The following KCNH5 variants were observed in gnomAD, a reference collection of about 807,000 sequenced individuals.
KCNH5 encodes the protein potassium voltage-gated channel subfamily H member 5.
In KCNH5, 46 loss-of-function variants were observed where a neutral mutation model predicts 96.1. The observed-to-expected ratio is 0.48, with a 90% CI of 0.38 to 0.61. KCNH5 has a LOEUF of 0.61. Among genes scored for constraint, KCNH5 ranks in the 20% least tolerant of loss-of-function variants. The probability of loss-of-function intolerance (pLI) is 0.00; values close to 1 mark genes in which losing one functional copy is unlikely to be tolerated. For missense variants in KCNH5, 907 were observed against 1,225.8 expected, an observed-to-expected ratio of 0.74 and a Z score of 3.88; for synonymous variants, 439 against 449.8, an observed-to-expected ratio of 0.98 and a Z score of 0.30.
chr14:62,994,513 T>G (rs1038832713), intron 4 of KCNH5, among the ~76,000 whole-genome samples: 6 of 152,088 alleles, frequency 3.9e-5, no homozygotes, highest in African/African-American at 1.4e-4. Flanking sequence ...ACTGATTACC[T>G]GAACAACACT....
At chr14:62,930,823 T>C (rs1347452709) in intron 7 of KCNH5, among the ~76,000 whole-genome samples, 5 of 152,148 alleles carry the variant, frequency 3.3e-5, no homozygotes, top group Non-Finnish European at 5.9e-5. Context: ...CCAATGAGTA[T>C]AATAGAAACC....
chr14:62,837,511 C>T (rs1414566978), intron 8 of KCNH5, among the ~76,000 whole-genome samples: 1 of 152,188 alleles, frequency 6.6e-6, no homozygotes, highest in Non-Finnish European at 1.5e-5. Flanking sequence ...CCATGTTTTC[C>T]TCTAAGCATA....
Position 63,045,251 on chromosome 14 carries a change from TGGAGGAAGA to T in KCNH5, c.-74_-66del. The T allele has an allele frequency of 3.2e-6, 4 of 1,265,336 alleles. No individual in the cohort carries two copies. Among genetic ancestry groups the T allele is most frequent in the Non-Finnish European group, 4.6e-6 (4 of 871,518 alleles). The allele number at this position is 1,265,336 out of a possible 1,614,324, so 78.4% of individuals were successfully genotyped here. On this transcript the variant is annotated 5_prime_UTR_variant, in exon 1 of 11. Coordinates refer to ENST00000322893, the MANE Select transcript of KCNH5 (RefSeq NM_139318.5). Reference sequence around the variant, plus strand: ...GAGGGGGGGATGCAGGCAAAGAAGGTGGAGGAAGAGGAGGAAAAGGTGGAAGAGAAGATT... The same window carrying T: ...GAGGGGGGGATGCAGGCAAAGAAGGTGGAGGAAAAGGTGGAAGAGAAGATT...
At chr14:62,923,912 A>G (rs1313445147) in intron 7 of KCNH5, among the ~76,000 whole-genome samples, 1 of 151,980 alleles carries the variant, frequency 6.6e-6, no homozygotes, top group South Asian at 2.1e-4. Flanking sequence ...GGTCTTGGCA[A>G]TGATTTTTTT....
intron 3 of KCNH5, among the ~76,000 whole-genome samples, chr14:63,003,333 T>TA (rs1337524607): frequency 1.3e-5 from 2 of 148,990 alleles, no homozygotes; most frequent in Non-Finnish European, 3.0e-5. Flanking sequence ...CTGGGAGGGT[T>TA]AAGTAGAGGA....
chr14:62,834,881 T>C (rs1887433998), intron 8 of KCNH5, among the ~76,000 whole-genome samples: 1 of 152,004 alleles, frequency 6.6e-6, no homozygotes, highest in Non-Finnish European at 1.5e-5. Flanking sequence ...CATGCTTCTA[T>C]GGCAAAGTTG....
At chr14:62,889,297 G>C (rs1228141628) in intron 7 of KCNH5, among the ~76,000 whole-genome samples, 3 of 152,196 alleles carry the variant, frequency 2.0e-5, no homozygotes, top group Non-Finnish European at 2.9e-5. Flanking sequence ...TCTAGGCACT[G>C]AGGGCACAGA....
At chr14:63,016,754 G>C in intron 2 of KCNH5, 77 bp downstream of exon 2, 1 of 1,449,202 alleles carries the variant, frequency 6.9e-7, no homozygotes, top group South Asian at 1.3e-5. Flanking sequence ...GGGAGTCCAA[G>C]TAAGCTTAAG....
chr14:62,754,818 T>C (rs1885583768), intron 10 of KCNH5, among the ~76,000 whole-genome samples: 1 of 151,948 alleles, frequency 6.6e-6, no homozygotes, highest in African/African-American at 2.4e-5. Flanking sequence ...GAGGTTGCAG[T>C]GAGCTGAAAT....
chr14:62,954,943 A>G (rs983327510), intron 6 of KCNH5, among the ~76,000 whole-genome samples: 1 of 152,166 alleles, frequency 6.6e-6, no homozygotes, highest in Non-Finnish European at 1.5e-5. Flanking sequence ...CGATTCAATT[A>G]TCTCCAACTG....
chr14:63,029,063 C>A (rs1003236007), intron 1 of KCNH5, among the ~76,000 whole-genome samples: 1 of 152,036 alleles, frequency 6.6e-6, no homozygotes, highest in Non-Finnish European at 1.5e-5. Context: ...TACCTCGAGG[C>A]CTTAATAATT....
At chr14:62,873,760 A>G (rs1157429840) in intron 7 of KCNH5, among the ~76,000 whole-genome samples, 1 of 152,230 alleles carries the variant, frequency 6.6e-6, no homozygotes, top group Non-Finnish European at 1.5e-5. Flanking sequence ...TGGTCTAGAA[A>G]TAACAAGAAA....
At chr14:63,000,261 T>C (rs1249262645) in intron 4 of KCNH5, among the ~76,000 whole-genome samples, 1 of 152,196 alleles carries the variant, frequency 6.6e-6, no homozygotes, top group Non-Finnish European at 1.5e-5. Flanking sequence ...GTTTGTCAAA[T>C]GCAAAGAGGA....
At chr14:62,919,456 A>G (rs1310136165) in intron 7 of KCNH5, among the ~76,000 whole-genome samples, 2 of 152,188 alleles carry the variant, frequency 1.3e-5, no homozygotes, top group South Asian at 4.1e-4. Flanking sequence ...AACATTGCAG[A>G]GATGATTAAA....
chr14:62,976,375 C>T (rs531224696), intron 6 of KCNH5, among the ~76,000 whole-genome samples: 1 of 148,358 alleles, frequency 6.7e-6, no homozygotes, highest in South Asian at 2.1e-4. Context: ...TGCACTCCAG[C>T]CTGGGTGACA....
At chr14:62,832,746 T>C (rs1887381710) in intron 8 of KCNH5, among the ~76,000 whole-genome samples, 1 of 152,166 alleles carries the variant, frequency 6.6e-6, no homozygotes, top group African/African-American at 2.4e-5. Flanking sequence ...CATTCCAGTT[T>C]CTCTATATCC....
chr14:62,754,323 CAGGA>C (rs1425123963), intron 10 of KCNH5, among the ~76,000 whole-genome samples: 4 of 151,386 alleles, frequency 2.6e-5, no homozygotes, highest in African/African-American at 9.7e-5. Context: ...AAAAGAAAGA[CAGGA>C]AGGAAGTAAA....
intron 7 of KCNH5, among the ~76,000 whole-genome samples, chr14:62,920,264 T>A (rs556183191): frequency 3.3e-5 from 5 of 152,026 alleles, no homozygotes; most frequent in South Asian, 4.1e-4. Context: ...AGGATACTAA[T>A]GTATGTCAGT....
At chr14:62,963,557 C>T (rs372464247) in intron 6 of KCNH5, among the ~76,000 whole-genome samples, 2 of 151,516 alleles carry the variant, frequency 1.3e-5, no homozygotes, top group Admixed American at 6.6e-5. Flanking sequence ...AAAAGCAAGA[C>T]GAGATGAGAT....
Sources: gnomAD v4.1 joint callset for allele counts (sites outside exome capture counted in the v4.1 genomes callset) on GRCh38, gnomAD v4.1.1 for gene constraint, MANE v1.5 for transcripts, NCBI Gene and HGNC (gene_info 2026-07-23, HGNC 2026-07-21) for gene names.